Variants in SMTN observed in about 807,000 individuals in gnomAD.
SMTN encodes smoothelin.
SMTN carries 58 observed loss-of-function variants against 102.0 expected under a neutral mutation model. The observed-to-expected ratio is 0.57, with a 90% CI of 0.46 to 0.71. SMTN has a LOEUF of 0.71. Among genes scored for constraint, SMTN ranks in the 30% least tolerant of loss-of-function variants. The pLI, the probability that SMTN is intolerant of heterozygous loss-of-function variation, is 0.00. For synonymous variants in SMTN, 478 were observed against 497.9 expected (o/e 0.96, Z 0.53); for missense variants, 1,185 against 1,241.7 (o/e 0.95, Z 0.69).
rs766740205 is a variant in SMTN, at chr22:31,088,085, C to T, written c.172C>T (p.Arg58Trp). The T allele has an allele frequency of 1.3e-5, 21 of 1,606,808 alleles. No homozygotes were observed. The highest frequency in any genetic ancestry group is 2.2e-5 in the East Asian group (1 of 44,728). The change falls in exon 3 of 21, where the codon CGG (arginine) becomes TGG (tryptophan). Residue 58 changes from arginine (R) to tryptophan (W), a missense_variant. Physicochemically the swap from Arg to Trp is moderately radical, Grantham distance 101. Transcript: ENST00000333137. ...GGCATCCAAGCGTTTCCGTGCCGAG[C>T]GGCAGGACAACAAGGAGAACTGGCT... is the stretch of plus-strand genomic sequence containing the variant. The part of the protein sequence containing the change: ...ALASKRFRAE[R>W]QDNKENWLHS...
chr22:31,098,750 A>T lies in SMTN; in HGVS notation c.2243A>T (p.Glu748Val), dbSNP rs1024708194. 4.3e-6 allele frequency: 7 copies of T among 1,613,330 alleles called. No individual in the cohort carries two copies. Among genetic ancestry groups the T allele is most frequent in the Non-Finnish European group, 5.9e-6 (7 of 1,179,878 alleles). ...LEKRQAEKKK[E>V]LMKAQSLPKT... The stretch of plus-strand genomic sequence containing the variant: ...AAACGGCAGGCCGAGAAGAAGAAAG[A>T]GCTGATGAAGGCGCAGAGTCTGCCC... Residue 748 changes from glutamate to valine, a missense_variant, in exon 17 of 21, where the codon GAG becomes GTG. Around this residue, in one of 2 missense-constraint regions of SMTN, gnomAD observed 1,096 missense variants for 1,112.7 expected, o/e 0.98. Coordinates refer to ENST00000333137, the MANE Select transcript of SMTN (RefSeq NM_134269.3).
At chr22:31,085,549 A>C (rs1410718515) in intron 2 of SMTN, among the ~76,000 whole-genome samples, 1 of 152,078 alleles carries the variant, frequency 6.6e-6, no homozygotes, top group African/African-American at 2.4e-5. Flanking sequence ...CAGGGGGAGG[A>C]AGCACCCTCT....
chr22:31,079,803 G>A (rs1020642712), upstream of SMTN, among the ~76,000 whole-genome samples: 6 of 152,074 alleles, frequency 3.9e-5, no homozygotes, highest in Non-Finnish European at 4.4e-5. Context: ...TTGCTCTGTC[G>A]CTTAGGCTGG....
At position 31,099,799 on chromosome 22, in the gene SMTN, G is replaced by T; in HGVS notation, c.2506G>T (p.Ala836Ser). 6.2e-7 allele frequency: 1 copy of T among 1,614,062 alleles called. No homozygotes were observed. ...CTGGAGTGATGGGATGGCCTTCTGT[G>T]CCCTGGTGCACAACTTCTTCCCTGA... Reference protein sequence around the residue: ...SSWSDGMAFCALVHNFFPEAF... With the variant: ...SSWSDGMAFCSLVHNFFPEAF... Residue 836 changes from alanine (A) to serine (S), a missense_variant, in exon 19 of 21, where the codon GCC becomes TCC. By Grantham distance (99) the Ala-to-Ser change is moderately conservative. This residue lies in a region of SMTN where 89 missense variants were observed against 128.9 expected (regional missense o/e 0.69). Coordinates refer to ENST00000333137, the MANE Select transcript of SMTN (RefSeq NM_134269.3).
chr22:31,091,743 A>T lies in SMTN; in HGVS notation c.1528A>T (p.Thr510Ser), dbSNP rs567045283. The T allele has an allele frequency of 6.8e-6, 11 of 1,612,272 alleles. No homozygotes were observed. In the African/African-American group the frequency reaches 1.2e-4, roughly 18 times the overall value. The change falls in exon 11 of 21, where the codon ACC becomes TCC. Residue 510 changes from threonine (T) to serine (S), a missense_variant. Physicochemically the swap from Thr to Ser is moderately conservative, Grantham distance 58. Coordinates refer to ENST00000333137, the MANE Select transcript of SMTN (RefSeq NM_134269.3). ...STSSGGKSTI[T>S]RVNSPGTLAR... is the part of the protein sequence containing the mutation. ...CAGTAGTGGGGGCAAGAGCACCATC[A>T]CCCGTGTCAACAGCCCTGGGACCCT... is the stretch of plus-strand genomic sequence containing the variant.
rs1159093190 is a variant in SMTN, at chr22:31,089,754, C to A, written c.527C>A (p.Thr176Asn). The stretch of plus-strand genomic sequence containing the variant: ...GCAGAGGTTTCAAAGCCAACCCCCA[C>A]CCCTGAAGGCACCAGCCAGGATGTG... ...QQAEVSKPTP[T>N]PEGTSQDVTT... The change falls in exon 7 of 21, where the codon ACC (threonine) becomes AAC (asparagine). Residue 176 changes from threonine to asparagine, a missense_variant. Around this residue, in one of 2 missense-constraint regions of SMTN, gnomAD observed 1,096 missense variants for 1,112.7 expected, o/e 0.98. Coordinates refer to ENST00000333137, the MANE Select transcript of SMTN (RefSeq NM_134269.3). 6.2e-7 allele frequency: 1 copy of A among 1,610,968 alleles called. No homozygotes were observed. Among genetic ancestry groups the A allele is most frequent in the Admixed American group, 1.7e-5 (1 of 60,016 alleles).
intron 2 of SMTN, 70 bp downstream of exon 2, chr22:31,083,379 C>T: frequency 6.9e-7 from 1 of 1,455,870 alleles, no homozygotes; most frequent in Non-Finnish European, 9.1e-7. Context: ...ATCCAGGGTA[C>T]CTCTCAGCTG....
chr22:31,083,002 G>A, intron 1 of SMTN, 177 bp from the exon 2 acceptor site: 1 of 1,429,524 alleles, frequency 7.0e-7, no homozygotes. Flanking sequence ...CCCTGGGTTT[G>A]GTGAGTTTTC....
In SMTN at chr22:31,091,341, C is replaced by G; in HGVS notation, c.1318C>G (p.Pro440Ala). ...AGGPVARSEE[P>A]GAPLPVAVGT... ...GGGGCCTGTGGCACGTTCAGAGGAG[C>G]CTGGTGCCCCGCTGCCCGTGGCCGT... The change falls in exon 10 of 21, where the codon CCT (proline) becomes GCT (alanine). Residue 440 changes from proline to alanine, a missense_variant. Pro to Ala is a conservative substitution (Grantham distance 27). This residue lies in a region of SMTN where 1,096 missense variants were observed against 1,112.7 expected (regional missense o/e 0.98). Transcript: ENST00000333137. 6.2e-7 allele frequency: 1 copy of G among 1,606,600 alleles called. No individual in the cohort carries two copies. The highest frequency in any genetic ancestry group is 8.5e-7 in the Non-Finnish European group (1 of 1,178,452).
chr22:31,085,347 C>A, intron 2 of SMTN: 2 of 1,394,632 alleles, frequency 1.4e-6, no homozygotes, highest in Non-Finnish European at 1.9e-6. Flanking sequence ...AACCTGCGGG[C>A]CTTCAGCGCC....
Position 31,088,553 on chromosome 22 carries a change from C to T in SMTN, c.241C>T (p.Arg81Trp), listed in dbSNP as rs759753420. 21 of 1,613,514 alleles carry T rather than the reference C, an allele frequency of 1.3e-5. No homozygotes were observed. The South Asian group carries it at 1.3e-4, about 10-fold the overall frequency. Residue 81 changes from arginine to tryptophan, a missense_variant, in exon 4 of 21, where the codon CGG (arginine) becomes TGG (tryptophan). By Grantham distance (101) the Arg-to-Trp change is moderately radical. Coordinates refer to ENST00000333137, the MANE Select transcript of SMTN (RefSeq NM_134269.3). ...AGCTGAGCAGCGGGCTGCCCTGGCA[C>T]GGCTGGCAGGGCAGCTGGAGTCCAT... is the stretch of plus-strand genomic sequence containing the variant. ...REAEQRAALARLAGQLESMND... is the reference protein window; with the variant it reads ...REAEQRAALAWLAGQLESMND...
In SMTN at chr22:31,088,984, A is replaced by T; in HGVS notation, c.471+15A>T. The T allele has an allele frequency of 1.3e-6, 2 of 1,599,318 alleles. No individual in the cohort carries two copies. Among genetic ancestry groups the T allele is most frequent in the Non-Finnish European group, 1.7e-6 (2 of 1,167,374 alleles). ...AACAGTGTGAGGTAAGGAGGGTGGG[A>T]GAGTGGCCCAGTGTCCTGTGCCCAT... On this transcript the variant is annotated intron_variant, in intron 6 of 20. Transcript: ENST00000333137.
intron 20 of SMTN, chr22:31,102,016 G>A (rs2044135049): frequency 6.6e-6 from 1 of 152,062 alleles, no homozygotes; most frequent in Non-Finnish European, 1.5e-5. Context: ...AGTCTGCCAG[G>A]CTCCTGTGTG....
At chr22:31,094,927 C>G (rs1432465536) in intron 11 of SMTN, among the ~76,000 whole-genome samples, 1 of 152,066 alleles carries the variant, frequency 6.6e-6, no homozygotes, top group Non-Finnish European at 1.5e-5. Flanking sequence ...AACAAGTGAT[C>G]CCTCCCACCT....
chr22:31,085,708 T>G (rs1234837968), intron 2 of SMTN, among the ~76,000 whole-genome samples: 3 of 152,064 alleles, frequency 2.0e-5, no homozygotes, highest in Admixed American at 6.5e-5. Context: ...CGGGTGGAAC[T>G]CGGGACACAC....
At chr22:31,092,383 G>A (rs1279501016) in intron 11 of SMTN, 3 of 455,460 alleles carry the variant, frequency 6.6e-6, no homozygotes, top group Admixed American at 2.4e-5. Context: ...CAGGCAGAGG[G>A]GCGCCAATCA....
chr22:31,073,007 CTCTCT>C (rs1414619004), intron 1 of SMTN, among the ~76,000 whole-genome samples: 2 of 104,324 alleles, frequency 1.9e-5, no homozygotes, highest in Non-Finnish European at 3.7e-5. Flanking sequence ...TTCTCTCTCT[CTCTCT>C]TTTTTTTTTT....
chr22:31,099,094 G>A lies in SMTN; in HGVS notation c.2366G>A (p.Arg789Gln). The A allele has an allele frequency of 6.2e-7, 1 of 1,612,980 alleles. No individual in the cohort carries two copies. Among genetic ancestry groups the A allele is most frequent in the Non-Finnish European group, 8.5e-7 (1 of 1,179,924 alleles). ...GGCGGACCCCGCGCAGCCGTGCAGC[G>A]ATCCACCAGCTTCGGGGTCCCCAAC... Reference protein sequence around the residue: ...SPGGPRAAVQRSTSFGVPNAN... With the variant: ...SPGGPRAAVQQSTSFGVPNAN... The change falls in exon 18 of 21, where the codon CGA becomes CAA. Residue 789 changes from arginine to glutamine, a missense_variant. Around this residue, in one of 2 missense-constraint regions of SMTN, gnomAD observed 1,096 missense variants for 1,112.7 expected, o/e 0.98. Transcript: ENST00000333137.
chr22:31,094,412 A>G (rs1384340590), intron 11 of SMTN, among the ~76,000 whole-genome samples: 2 of 152,254 alleles, frequency 1.3e-5, no homozygotes, highest in Non-Finnish European at 2.9e-5. Flanking sequence ...GCCCCGGGCC[A>G]GCCCTCTTGG....
Sources: gnomAD v4.1 joint callset for allele counts (sites outside exome capture counted in the v4.1 genomes callset) on GRCh38, gnomAD v4.1.1 for gene constraint, gnomAD v4.1.1 regional missense constraint, MANE v1.5 for transcripts, NCBI Gene and HGNC (gene_info 2026-07-23, HGNC 2026-07-21) for gene names.